Variants in PDE10A observed in about 807,000 individuals in gnomAD.
PDE10A encodes the protein phosphodiesterase 10A.
PDE10A carries 39 observed loss-of-function variants against 97.7 expected under a neutral mutation model. The ratio of observed to expected loss-of-function variants is 0.40; its 90% CI spans 0.31 to 0.52. The LOEUF (loss-of-function observed/expected upper bound fraction) is 0.52, where lower values mean the gene tolerates loss of function less well. Among genes scored for constraint, PDE10A ranks in the 20% least tolerant of loss-of-function variants. The pLI is 0.56. For synonymous variants in PDE10A, 371 were observed against 376.8 expected, an observed-to-expected ratio of 0.98 and a Z score of 0.18; for missense variants, 731 against 1,047.8, an observed-to-expected ratio of 0.70 and a Z score of 4.17.
At chr6:165,424,866 A>C (rs960622690) in intron 10 of PDE10A, among the ~76,000 whole-genome samples, 1 of 152,180 alleles carries the variant, frequency 6.6e-6, no homozygotes, top group Non-Finnish European at 1.5e-5. Flanking sequence ...CCCAACACCA[A>C]ATCAGATGCA....
chr6:165,542,612 CTTTT>C (rs545149187), intron 2 of PDE10A, among the ~76,000 whole-genome samples: 5 of 76,424 alleles, frequency 6.5e-5, no homozygotes, highest in Admixed American at 3.1e-4. Flanking sequence ...TGTCCTTGTT[CTTTT>C]TTTTTTTTTT....
intron 1 of PDE10A, among the ~76,000 whole-genome samples, chr6:165,679,291 A>C (rs926816113): frequency 3.3e-5 from 5 of 152,224 alleles, no homozygotes; most frequent in Admixed American, 2.0e-4. Flanking sequence ...AACCCAGATA[A>C]CCAGATCATT....
chr6:165,691,075 T>TTCTCTC lies in PDE10A; in HGVS notation c.-614-147513_-614-147508dup, dbSNP rs376093908. ...CCTTACAGTAATACTCTCTCTCTCT[T>TTCTCTC]TCTCTCTCTCTCTCTCTCTCTCTTT... On this transcript the variant is annotated intron_variant, in intron 1 of 19. Transcript: ENST00000366882. 3.9e-3 allele frequency among the ~76,000 whole-genome samples: 198 copies of TTCTCTC among 50,406 alleles called. 22 individuals are homozygous for TTCTCTC. Among genetic ancestry groups the TTCTCTC allele is most frequent in the African/African-American group, 0.022 (189 of 8,664 alleles). 33.1% of individuals were successfully genotyped at this position (50,406 alleles called of 152,430 possible). A position where few individuals can be genotyped will look rare whatever the true frequency, so the allele number is the denominator to read the frequency against.
chr6:165,648,023 C>CT (rs969746663), intron 1 of PDE10A, among the ~76,000 whole-genome samples: 18 of 151,868 alleles, frequency 1.2e-4, no homozygotes, highest in Non-Finnish European at 2.2e-4. Flanking sequence ...TTTCTTTTTT[C>CT]TTTTTTTTGA....
intron 3 of PDE10A, among the ~76,000 whole-genome samples, chr6:165,453,997 C>A (rs1001917477): frequency 6.6e-6 from 1 of 152,228 alleles, no homozygotes; most frequent in Non-Finnish European, 1.5e-5. Context: ...GGGAGCCTAA[C>A]CCCAACTCCA....
chr6:165,899,891 A>G (rs544458596), intron 1 of PDE10A, among the ~76,000 whole-genome samples: 1 of 152,224 alleles, frequency 6.6e-6, no homozygotes, highest in East Asian at 1.9e-4. Context: ...TTGCTCAGCA[A>G]CCTGTTTTTT....
chr6:165,747,398 T>C (rs1183543406), intron 1 of PDE10A, among the ~76,000 whole-genome samples: 2 of 152,176 alleles, frequency 1.3e-5, no homozygotes, highest in African/African-American at 4.8e-5. Flanking sequence ...TTAAGTAGTG[T>C]TCAAAATGCC....
At chr6:165,477,276 T>C (rs1290971312) in intron 3 of PDE10A, among the ~76,000 whole-genome samples, 1 of 151,622 alleles carries the variant, frequency 6.6e-6, no homozygotes, top group African/African-American at 2.4e-5. Flanking sequence ...GTTCACTCCT[T>C]CACTTCCCTT....
At chr6:165,335,789 C>T (rs763870952) in intron 21 of PDE10A, among the ~76,000 whole-genome samples, 3 of 152,158 alleles carry the variant, frequency 2.0e-5, no homozygotes, top group Non-Finnish European at 4.4e-5. Flanking sequence ...CACACCGAGA[C>T]AGAGGCCCTC....
intron 1 of PDE10A, among the ~76,000 whole-genome samples, chr6:165,622,234 C>T (rs74929553): frequency 1.3e-5 from 2 of 152,070 alleles, no homozygotes; most frequent in Non-Finnish European, 1.5e-5. Flanking sequence ...TAAAGTCAAT[C>T]GGGCAACCTC....
chr6:165,635,530 T>C (rs934763203), intron 1 of PDE10A, among the ~76,000 whole-genome samples: 1 of 152,184 alleles, frequency 6.6e-6, no homozygotes, highest in Non-Finnish European at 1.5e-5. Context: ...ACAGCGGATT[T>C]GGAATTACGC....
chr6:165,898,795 G>A (rs1256370437), intron 1 of PDE10A, among the ~76,000 whole-genome samples: 1 of 152,066 alleles, frequency 6.6e-6, no homozygotes, highest in Non-Finnish European at 1.5e-5. Context: ...CCAGGACCTG[G>A]CTGCTGCCTC....
At chr6:165,426,951 A>G (rs1371205087) in intron 10 of PDE10A, among the ~76,000 whole-genome samples, 1 of 152,120 alleles carries the variant, frequency 6.6e-6, no homozygotes, top group African/African-American at 2.4e-5. Context: ...TATAATGAAA[A>G]AGTCAGATAA....
intron 1 of PDE10A, among the ~76,000 whole-genome samples, chr6:165,792,520 C>T (rs1326475188): frequency 6.6e-6 from 1 of 152,188 alleles, no homozygotes; most frequent in Admixed American, 6.5e-5. Flanking sequence ...TTTTGTTTGT[C>T]TCCAGGATGC....
chr6:165,807,962 A>G (rs1779183128), intron 1 of PDE10A, among the ~76,000 whole-genome samples: 1 of 152,238 alleles, frequency 6.6e-6, no homozygotes, highest in Non-Finnish European at 1.5e-5. Flanking sequence ...ATAGAGAGGA[A>G]GAAGCACACA....
At chr6:165,637,480 A>C (rs1788931452) in intron 1 of PDE10A, among the ~76,000 whole-genome samples, 1 of 152,204 alleles carries the variant, frequency 6.6e-6, no homozygotes. Flanking sequence ...AACACACACA[A>C]GACTGCGGAA....
At chr6:165,599,226 T>C (rs1583619564) in intron 1 of PDE10A, among the ~76,000 whole-genome samples, 1 of 152,212 alleles carries the variant, frequency 6.6e-6, no homozygotes, top group South Asian at 2.1e-4. Flanking sequence ...AAAAGCATAC[T>C]AAAACAAGCA....
At chr6:165,380,762 CAA>C (rs1784880545) in intron 17 of PDE10A, among the ~76,000 whole-genome samples, 1 of 152,138 alleles carries the variant, frequency 6.6e-6, no homozygotes, top group Non-Finnish European at 1.5e-5. Context: ...TGGCTGAACT[CAA>C]TAATCATCCA....
chr6:165,590,793 A>G (rs2128384643), intron 1 of PDE10A, among the ~76,000 whole-genome samples: 1 of 152,336 alleles, frequency 6.6e-6, no homozygotes, highest in South Asian at 2.1e-4. Flanking sequence ...CAGGAGGCTG[A>G]GGCAGGAGAA....
Sources: allele counts gnomAD v4.1 joint callset (sites outside exome capture counted in the v4.1 genomes callset), GRCh38; gene constraint gnomAD v4.1.1; transcripts MANE v1.5; gene names NCBI Gene and HGNC (gene_info 2026-07-23, HGNC 2026-07-21).